The following ABR variants were observed in gnomAD, a reference collection of about 807,000 sequenced individuals.
ABR encodes the protein active breakpoint cluster region-related protein.
In ABR, 35 loss-of-function variants were observed where a neutral mutation model predicts 107.2. The observed-to-expected ratio is 0.33, with a 90% CI of 0.25 to 0.43. The LOEUF (loss-of-function observed/expected upper bound fraction) is 0.43. Ranked by LOEUF, ABR falls within the 20% of genes least tolerant of loss-of-function variation. The pLI, the probability that ABR is intolerant of heterozygous loss-of-function variation, is 1.00. For missense variants in ABR, 815 were observed against 1,115.2 expected, an observed-to-expected ratio of 0.73 and a Z score of 3.83; for synonymous variants, 498 against 462.0, an observed-to-expected ratio of 1.08 and a Z score of -1.00.
In ABR at chr17:1,078,783, C is replaced by T. The variant is rs775828042; in HGVS notation, c.700+547G>A. ...GCCGGCCCCCAGAGGTGGGAGGGTC[C>T]GCCACCTCCCACAGCGAGCACCTGG... On this transcript the variant is annotated intron_variant, in intron 6 of 22. Coordinates refer to ENST00000302538, the MANE Select transcript of ABR (RefSeq NM_021962.5). The surrounding 1 kb of genome is among the most constrained non-coding windows in gnomAD (Gnocchi z 7.5). 3.3e-6 allele frequency: 5 copies of T among 1,533,922 alleles called. No homozygotes were observed. The highest frequency in any genetic ancestry group is 2.0e-5 in the Admixed American group (1 of 50,912).
chr17:1,197,823 T>A (rs1214311642), intron 1 of ABR, among the ~76,000 whole-genome samples: 2 of 151,580 alleles, frequency 1.3e-5, no homozygotes, highest in African/African-American at 4.9e-5. Flanking sequence ...AGACCGTGAC[T>A]TGGTTTTCCC....
chr17:1,162,235 G>A (rs144377786), intron 1 of ABR, among the ~76,000 whole-genome samples: 9 of 152,300 alleles, frequency 5.9e-5, no homozygotes, highest in East Asian at 1.9e-4. Flanking sequence ...AACACACGTC[G>A]CCAGCATCCA....
chr17:1,048,257 G>A (rs1013888609), intron 16 of ABR, among the ~76,000 whole-genome samples: 1 of 152,250 alleles, frequency 6.6e-6, no homozygotes. Flanking sequence ...AGACCCCACA[G>A]CATCGGAAAG....
Position 1,135,430 on chromosome 17 carries a change from G to C in ABR, c.62-10063C>G, listed in dbSNP as rs527318656. Among the ~76,000 whole-genome samples the C allele has an allele frequency of 1.6e-3, 236 of 144,982 alleles. 1 individual carries two copies. The highest frequency in any genetic ancestry group is 5.7e-3 in the African/African-American group (220 of 38,936). On this transcript the variant is annotated intron_variant, in intron 1 of 22. Transcript: ENST00000302538. Reference sequence around the variant, plus strand: ...TCACTCTTGTTGCCCAGGCTGGAGCGACACCCTCCAGCCTGTCGCAAGGGT... The same window carrying C: ...TCACTCTTGTTGCCCAGGCTGGAGCCACACCCTCCAGCCTGTCGCAAGGGT...
At chr17:1,170,850 TTCTA>T (rs751642181) in intron 1 of ABR, among the ~76,000 whole-genome samples, 1 of 152,108 alleles carries the variant, frequency 6.6e-6, no homozygotes, top group East Asian at 1.9e-4. Flanking sequence ...AGGATGAGGT[TTCTA>T]TCTATGTCCC....
chr17:1,125,553 CCGGG>C (rs2039561447), intron 1 of ABR, 186 bp from the exon 2 acceptor site: 1 of 432,870 alleles, frequency 2.3e-6, no homozygotes, highest in Admixed American at 4.6e-5. Flanking sequence ...CCAGCAGGCA[CCGGG>C]CCCTGCCCGC....
intron 1 of ABR, among the ~76,000 whole-genome samples, chr17:1,201,277 C>T (rs1053783596): frequency 2.0e-5 from 3 of 152,154 alleles, no homozygotes; most frequent in East Asian, 1.9e-4. Context: ...ACCCGGTTCA[C>T]GGCCTGGTGT....
At chr17:1,079,008 G>C (rs889796107) in intron 6 of ABR, 1 of 1,463,644 alleles carries the variant, frequency 6.8e-7, no homozygotes, top group Non-Finnish European at 9.0e-7. Context: ...TTCCAGCAAG[G>C]GGGAGGGGAG....
At chr17:1,203,393 G>A (rs1474760674) in intron 1 of ABR, among the ~76,000 whole-genome samples, 2 of 57,318 alleles carry the variant, frequency 3.5e-5, no homozygotes, top group African/African-American at 3.2e-4. Flanking sequence ...TGAGGGGGCG[G>A]GGCCCGCGGG....
chr17:1,167,645 G>A (rs1447264725), intron 1 of ABR, among the ~76,000 whole-genome samples: 1 of 152,240 alleles, frequency 6.6e-6, no homozygotes, highest in Non-Finnish European at 1.5e-5. Flanking sequence ...CCTCTGGGAA[G>A]TCTTGGGGAA....
chr17:1,191,354 CTTTT>C (rs761910557), upstream of ABR, among the ~76,000 whole-genome samples: 1 of 96,490 alleles, frequency 1.0e-5, no homozygotes, highest in Admixed American at 1.3e-4. Flanking sequence ...TTTTTCTTTT[CTTTT>C]TTTTTTTTTT....
intron 22 of ABR, among the ~76,000 whole-genome samples, chr17:1,006,614 G>C (rs1434745068): frequency 6.6e-6 from 1 of 152,136 alleles, no homozygotes; most frequent in Admixed American, 6.5e-5. Flanking sequence ...GCCTGGGAGG[G>C]GCAGAAGTGT....
At chr17:1,015,211 A>G (rs11656599) in intron 16 of ABR, among the ~76,000 whole-genome samples, 111,151 of 151,686 alleles carry the variant, frequency 0.73, 41,434 homozygotes, top group African/African-American at 0.87. Context: ...GAGGTCAGGA[A>G]TTCGAGACCA....
At chr17:1,160,374 G>C (rs1231248100) in intron 1 of ABR, among the ~76,000 whole-genome samples, 1 of 152,008 alleles carries the variant, frequency 6.6e-6, no homozygotes, top group Non-Finnish European at 1.5e-5. Context: ...TTCATGAAAT[G>C]TCAGCTCTGC....
intron 16 of ABR, among the ~76,000 whole-genome samples, chr17:1,032,488 T>C (rs2150924259): frequency 6.6e-6 from 1 of 152,280 alleles, no homozygotes; most frequent in South Asian, 2.1e-4. Flanking sequence ...GGGGTCACTT[T>C]GAACCATGGC....
chr17:1,142,339 C>T (rs1479355464), intron 1 of ABR, among the ~76,000 whole-genome samples: 1 of 151,980 alleles, frequency 6.6e-6, no homozygotes, highest in South Asian at 2.1e-4. Context: ...CATCCCAGCA[C>T]TTTGGGAGGC....
intron 16 of ABR, chr17:1,031,897 T>TC: frequency 1.0e-6 from 1 of 986,768 alleles, no homozygotes; most frequent in African/African-American, 2.8e-5. Context: ...CCTCCCTCCG[T>TC]CCGCGTCCCT....
chr17:1,145,232 C>T (rs1230695596), intron 1 of ABR, among the ~76,000 whole-genome samples: 1 of 152,122 alleles, frequency 6.6e-6, no homozygotes, highest in Non-Finnish European at 1.5e-5. Context: ...ATACGATCTC[C>T]TAATAATCCT....
intron 16 of ABR, among the ~76,000 whole-genome samples, chr17:1,049,313 GCC>G (rs1597543892): frequency 6.6e-6 from 1 of 151,998 alleles, no homozygotes; most frequent in Non-Finnish European, 1.5e-5. Context: ...GATTACAGGC[GCC>G]CGCCACCACG....
Sources: gnomAD v4.1 joint callset for allele counts (sites outside exome capture counted in the v4.1 genomes callset) on GRCh38, gnomAD v4.1.1 for gene constraint, Gnocchi (gnomAD v3.1) non-coding constraint, MANE v1.5 for transcripts, NCBI Gene and HGNC (gene_info 2026-07-23, HGNC 2026-07-21) for gene names.